COPS5: variants seen among roughly 807,000 people sequenced by gnomAD.
The protein encoded by COPS5 is COP9 signalosome complex subunit 5.
In COPS5, 8 loss-of-function variants were observed where a neutral mutation model predicts 44.4. The observed-to-expected ratio is 0.18, with a 90% confidence interval of 0.11 to 0.32. The LOEUF (loss-of-function observed/expected upper bound fraction) is 0.32, where lower values mean the gene tolerates loss of function less well. COPS5 is among the 10% of genes least tolerant of loss of function. COPS5 has a pLI of 1.00. For synonymous variants in COPS5, 122 were observed against 142.8 expected (o/e 0.85, Z 1.04); for missense variants, 159 against 406.4 (o/e 0.39, Z 5.23).
Position 67,043,330 on chromosome 8 carries a change from A to G in COPS5, c.921-13T>C. On this transcript the variant is annotated splice_polypyrimidine_tract_variant and intron_variant, in intron 7 of 7. Transcript: ENST00000357849. ...GGTAGTTTTACAGCTGGAAAAAAAA[A>G]CACACATCACATGATGTCATAAATT... The G allele has an allele frequency of 6.6e-7, 1 of 1,507,298 alleles. No individual in the cohort carries two copies. The highest frequency in any genetic ancestry group is 1.2e-5 in the South Asian group (1 of 86,448). 93.4% of individuals were successfully genotyped at this position (1,507,298 alleles called of 1,614,324 possible).
At chr8:67,052,500 C>T (rs1804431507) in intron 5 of COPS5, among the ~76,000 whole-genome samples, 1 of 151,122 alleles carries the variant, frequency 6.6e-6, no homozygotes. Flanking sequence ...TCACCACAAC[C>T]TCTGCTTCCC....
intron 3 of COPS5, 138 bp downstream of exon 3, chr8:67,057,945 G>T: frequency 1.2e-6 from 1 of 859,650 alleles, no homozygotes; most frequent in Non-Finnish European, 1.8e-6. Context: ...CAGCTTCTAA[G>T]AGATGGAATT....
intron 5 of COPS5, among the ~76,000 whole-genome samples, chr8:67,056,179 A>T (rs533520354): frequency 1.3e-5 from 2 of 152,314 alleles, no homozygotes; most frequent in East Asian, 1.9e-4. Context: ...AAAAAAATTT[A>T]AAAATGCAAA....
At position 67,062,035 on chromosome 8, in the gene COPS5, G is replaced by A; in HGVS notation, c.-39C>T. The A allele has an allele frequency of 6.2e-7, 1 of 1,613,856 alleles. No homozygotes were observed. The highest frequency in any genetic ancestry group is 8.5e-7 in the Non-Finnish European group (1 of 1,179,974). On this transcript the variant is annotated 5_prime_UTR_variant, in exon 1 of 8. Transcript: ENST00000357849. ...GAGAAGTTGTCGTCTCTACAACCAA[G>A]ACGCAACTTTACCTCGCTAGGTTTC... is the stretch of plus-strand genomic sequence containing the variant.
chr8:67,045,964 T>C lies in COPS5; in HGVS notation c.772-4A>G. On this transcript the variant is annotated splice_region_variant and splice_polypyrimidine_tract_variant and intron_variant, in intron 6 of 7. Transcript: ENST00000357849. ...GACCAGTGGTATAGTCTGCATTCTGTGGGGAAAGTGGTATTGTGTCACTGC... is the reference window on the plus strand; with the variant it reads ...GACCAGTGGTATAGTCTGCATTCTGCGGGGAAAGTGGTATTGTGTCACTGC... The C allele has an allele frequency of 1.2e-6, 2 of 1,612,954 alleles. No individual in the cohort carries two copies. Among genetic ancestry groups the C allele is most frequent in the Non-Finnish European group, 1.7e-6 (2 of 1,179,434 alleles).
intron 1 of COPS5, 111 bp downstream of exon 1, chr8:67,061,743 C>T (rs937777676): frequency 2.0e-5 from 22 of 1,073,542 alleles, no homozygotes; most frequent in Non-Finnish European, 2.6e-5. Flanking sequence ...CATATTCTGT[C>T]CCCCTCCCAG....
chr8:67,055,401 T>C (rs189722562), intron 5 of COPS5, among the ~76,000 whole-genome samples: 27 of 152,218 alleles, frequency 1.8e-4, no homozygotes, highest in African/African-American at 6.5e-4. Context: ...GTAGAAAGAC[T>C]CGCCGGAAGG....
chr8:67,044,849 C>G (rs56902031), intron 7 of COPS5: 12,606 of 152,240 alleles, frequency 0.083, 1,062 homozygotes, highest in African/African-American at 0.22. Context: ...ATCTGCCTGC[C>G]TTGGCCTCCC....
chr8:67,051,016 T>G (rs1222497909), intron 6 of COPS5, among the ~76,000 whole-genome samples: 1 of 152,174 alleles, frequency 6.6e-6, no homozygotes, highest in Non-Finnish European at 1.5e-5. Context: ...CTGGACACTC[T>G]GTTTGCTACT....
chr8:67,047,842 C>T, intron 6 of COPS5: 3 of 702,588 alleles, frequency 4.3e-6, no homozygotes. Flanking sequence ...CTTCTGGCTG[C>T]TATTAATATA....
In COPS5 at chr8:67,051,250, T is replaced by C; in HGVS notation, c.751A>G (p.Ser251Gly). ...LWNKYWVNTL[S>G]SSSLLTNADY... is the part of the protein sequence containing the mutation. Reference sequence around the variant, plus strand: ...CTTACAGTAAGCAAGCTAGAAGAACTCAACGTATTCACCCAGTATTTATTC... The same window carrying C: ...CTTACAGTAAGCAAGCTAGAAGAACCCAACGTATTCACCCAGTATTTATTC... Residue 251 changes from serine (S) to glycine (G), a missense_variant, in exon 6 of 8, where the codon AGT becomes GGT. By Grantham distance (56) the Ser-to-Gly change is moderately conservative. Around this residue, in one of 2 missense-constraint regions of COPS5, gnomAD observed 134 missense variants for 376.7 expected, o/e 0.36. Coordinates refer to ENST00000357849, the MANE Select transcript of COPS5 (RefSeq NM_006837.3). 1.2e-6 allele frequency: 2 copies of C among 1,607,646 alleles called. No individual in the cohort carries two copies. Among genetic ancestry groups the C allele is most frequent in the African/African-American group, 1.3e-5 (1 of 74,928 alleles).
chr8:67,053,565 G>A (rs1425454932), intron 5 of COPS5, among the ~76,000 whole-genome samples: 1 of 151,308 alleles, frequency 6.6e-6, no homozygotes, highest in Non-Finnish European at 1.5e-5. Flanking sequence ...GCTGGGTGTG[G>A]TGGTGTGTGC....
At chr8:67,061,339 C>T (rs773047053) in intron 1 of COPS5, 30 of 439,736 alleles carry the variant, frequency 6.8e-5, no homozygotes, top group Non-Finnish European at 1.2e-4. Flanking sequence ...CCTGTAATCC[C>T]AGCACTTTGG....
intron 2 of COPS5, 100 bp downstream of exon 2, chr8:67,059,111 A>G (rs1402847117): frequency 1.4e-6 from 1 of 705,816 alleles, no homozygotes; most frequent in Non-Finnish European, 2.3e-6. Context: ...ATTTAAATAT[A>G]AAATTTCATG....
At position 67,059,461 on chromosome 8, in the gene COPS5, A is replaced by G. The variant is rs1225878038; in HGVS notation, c.144-16T>C. The G allele has an allele frequency of 1.3e-6, 2 of 1,558,824 alleles. No individual in the cohort carries two copies. Among genetic ancestry groups the G allele is most frequent in the Non-Finnish European group, 1.8e-6 (2 of 1,129,904 alleles). ...GTAATGGTGACTGCAAAACAAAATCACAATGTAATTAAATTCCTTATATAA... is the reference window on the plus strand; with the variant it reads ...GTAATGGTGACTGCAAAACAAAATCGCAATGTAATTAAATTCCTTATATAA... On this transcript the variant is annotated splice_polypyrimidine_tract_variant and intron_variant, in intron 1 of 7. Coordinates refer to ENST00000357849, the MANE Select transcript of COPS5 (RefSeq NM_006837.3).
chr8:67,045,980 G>A lies in COPS5; in HGVS notation c.772-20C>T. Reference sequence around the variant, plus strand: ...TGCATTCTGTGGGGAAAGTGGTATTGTGTCACTGCAAAACACAAGTCTACC... The same window carrying A: ...TGCATTCTGTGGGGAAAGTGGTATTATGTCACTGCAAAACACAAGTCTACC... On this transcript the variant is annotated intron_variant, in intron 6 of 7. Transcript: ENST00000357849. 1.2e-6 allele frequency: 2 copies of A among 1,606,614 alleles called. No homozygotes were observed. The highest frequency in any genetic ancestry group is 1.7e-6 in the Non-Finnish European group (2 of 1,175,080).
In COPS5 at chr8:67,057,541, T is replaced by C. The variant is rs1804531696; in HGVS notation, c.508-96A>G. ...AGAAATGTATACATACATATAACAC[T>C]ATATACATACATAATAACCAAATAA... On this transcript the variant is annotated intron_variant, in intron 3 of 7. Coordinates refer to ENST00000357849, the MANE Select transcript of COPS5 (RefSeq NM_006837.3). The C allele has an allele frequency of 2.0e-5, 15 of 740,084 alleles. 1 individual carries two copies. The East Asian group carries it at 4.0e-4, about 20-fold the overall frequency. The allele number at this position is 740,084 out of a possible 1,614,324, so 45.8% of individuals were successfully genotyped here. A position where few individuals can be genotyped will look rare whatever the true frequency, so the allele number is the denominator to read the frequency against.
At chr8:67,057,573 A>G (rs933484063) in intron 3 of COPS5, 128 bp from the exon 4 acceptor site, 6 of 501,830 alleles carry the variant, frequency 1.2e-5, no homozygotes, top group South Asian at 4.4e-5. Context: ...ATAAGAATAA[A>G]CCAAAAAACC....
rs772964914 is a variant in COPS5 at position 67,061,979 on chromosome 8, G to T, written c.18C>A (p.Ser6Arg). The T allele has an allele frequency of 2.5e-6, 4 of 1,614,210 alleles. No individual in the cohort carries two copies. In the South Asian group the frequency reaches 4.4e-5, roughly 18 times the overall value. MAASG[S>R]GMAQKTWELA... ...GTTCCCAGGTTTTCTGGGCCATACC[G>T]CTCCCGGACGCCGCCATCGCCGAGG... Residue 6 changes from serine to arginine, a missense_variant, in exon 1 of 8, where the codon AGC becomes AGA. This residue lies in a region of COPS5 where 25 missense variants were observed against 29.7 expected (regional missense o/e 0.84). Coordinates refer to ENST00000357849, the MANE Select transcript of COPS5 (RefSeq NM_006837.3).
Sources: gnomAD v4.1 joint callset for allele counts (sites outside exome capture counted in the v4.1 genomes callset) on GRCh38, gnomAD v4.1.1 for gene constraint, gnomAD v4.1.1 regional missense constraint, MANE v1.5 for transcripts, NCBI Gene and HGNC (gene_info 2026-07-23, HGNC 2026-07-21) for gene names.